Variants in DAB1 observed in about 807,000 individuals in gnomAD.
DAB1 encodes disabled homolog 1.
DAB1 carries 15 observed loss-of-function variants against 64.6 expected under a neutral mutation model. That is an observed-to-expected ratio of 0.23 (90% CI 0.16 to 0.36). The LOEUF (loss-of-function observed/expected upper bound fraction) is 0.36. DAB1 is among the 10% of genes least tolerant of loss of function. The probability of loss-of-function intolerance (pLI) is 1.00; values close to 1 mark genes in which losing one functional copy is unlikely to be tolerated. For synonymous variants in DAB1, 235 were observed against 251.9 expected (o/e 0.93, Z 0.64); for missense variants, 596 against 706.7 (o/e 0.84, Z 1.78).
intron 7 of DAB1, among the ~76,000 whole-genome samples, chr1:57,613,616 T>C (rs796152964): frequency 5.3e-5 from 8 of 152,250 alleles, no homozygotes; most frequent in African/African-American, 1.9e-4. Context: ...CAGGATATTT[T>C]CCCCCTCAAA....
intron 9 of DAB1, among the ~76,000 whole-genome samples, chr1:57,032,486 C>T (rs1049284334): frequency 3.3e-5 from 5 of 152,166 alleles, no homozygotes; most frequent in Non-Finnish European, 7.3e-5. Flanking sequence ...TCCCACACAT[C>T]CTTCAGGACG....
intron 4 of DAB1, chr1:58,228,975 TCCACCAG>T: frequency 2.3e-6 from 1 of 442,180 alleles, no homozygotes; most frequent in Admixed American, 2.7e-5. Flanking sequence ...CAGCACATGC[TCCACCAG>T]CCCGAAGCCC....
At chr1:57,813,604 T>C (rs1651726471) in intron 6 of DAB1, among the ~76,000 whole-genome samples, 1 of 152,170 alleles carries the variant, frequency 6.6e-6, no homozygotes, top group South Asian at 2.1e-4. Flanking sequence ...GTTTAGTTCA[T>C]AGGAGACATT....
intron 4 of DAB1, among the ~76,000 whole-genome samples, chr1:58,302,252 C>A (rs764728412): frequency 6.6e-6 from 1 of 152,044 alleles, no homozygotes; most frequent in South Asian, 2.1e-4. Context: ...TCAGTATAGT[C>A]CAAGAAAATC....
At chr1:57,258,871 G>A (rs956737601) in intron 2 of DAB1, among the ~76,000 whole-genome samples, 3 of 152,028 alleles carry the variant, frequency 2.0e-5, no homozygotes, top group African/African-American at 7.2e-5. Context: ...GGTGAGGAGG[G>A]TGAGTTCTGC....
At chr1:57,136,816 G>A (rs1658165655) in intron 3 of DAB1, among the ~76,000 whole-genome samples, 175 bp from the exon 4 acceptor site, 1 of 152,012 alleles carries the variant, frequency 6.6e-6, no homozygotes. Context: ...GTGTTTTAGG[G>A]TAATGCTTGT....
intron 5 of DAB1, chr1:58,079,949 T>C (rs1415321451): frequency 6.6e-6 from 1 of 152,216 alleles, no homozygotes; most frequent in Admixed American, 6.5e-5. Context: ...TGTTTTGAAA[T>C]GAATGAATAA....
chr1:57,282,279 T>A (rs1313548298), intron 2 of DAB1, among the ~76,000 whole-genome samples: 1 of 148,926 alleles, frequency 6.7e-6, no homozygotes, highest in Non-Finnish European at 1.5e-5. Flanking sequence ...AAGAGAGCTA[T>A]CCAAGGTGAA....
intron 5 of DAB1, among the ~76,000 whole-genome samples, chr1:58,112,181 G>A (rs187742480): frequency 5.3e-5 from 8 of 152,248 alleles, no homozygotes; most frequent in Admixed American, 5.2e-4. Flanking sequence ...TCCAACTGGA[G>A]GAGCCCCTCC....
At chr1:57,695,976 T>G (rs1364536307) in intron 6 of DAB1, among the ~76,000 whole-genome samples, 1 of 152,144 alleles carries the variant, frequency 6.6e-6, no homozygotes, top group Admixed American at 6.6e-5. Flanking sequence ...AATCCCAAAT[T>G]ATTTAACTCT....
intron 3 of DAB1, among the ~76,000 whole-genome samples, chr1:58,405,860 G>A (rs911850411): frequency 1.3e-5 from 2 of 152,120 alleles, no homozygotes; most frequent in African/African-American, 4.8e-5. Context: ...GCCTCTCTGC[G>A]AACACTCCCC....
At chr1:58,203,734 T>C (rs1269545273) in intron 4 of DAB1, among the ~76,000 whole-genome samples, 2 of 152,216 alleles carry the variant, frequency 1.3e-5, no homozygotes, top group Non-Finnish European at 2.9e-5. Flanking sequence ...TCATATAACA[T>C]TGATCAAACT....
chr1:57,042,842 A>G (rs1647963757), intron 9 of DAB1, among the ~76,000 whole-genome samples: 1 of 151,646 alleles, frequency 6.6e-6, no homozygotes, highest in Non-Finnish European at 1.5e-5. Context: ...CATACACACG[A>G]TCACACACAC....
In DAB1 at chr1:57,456,233, A is replaced by G. The variant is rs1686587264; in HGVS notation, n.626-165067T>C. Among the ~76,000 whole-genome samples, 3 of 152,256 alleles carry G rather than the reference A, an allele frequency of 2.0e-5. No homozygotes were observed. In the South Asian group the frequency reaches 6.2e-4, roughly 32 times the overall value. ...CATTTTTCTCTTTTCAAAGCTAAAC[A>G]TTCAGTTTTTTCAACAGTTTTTTAT... On this transcript the variant is annotated intron_variant and non_coding_transcript_variant, in intron 7 of 20. Transcript: ENST00000485760.
intron 2 of DAB1, among the ~76,000 whole-genome samples, chr1:57,273,772 A>G (rs1243921260): frequency 6.6e-6 from 1 of 151,258 alleles, no homozygotes; most frequent in Non-Finnish European, 1.5e-5. Flanking sequence ...CTCACCTCCT[A>G]TGTTTGACTG....
At chr1:58,542,764 C>G (rs930609380) in intron 1 of DAB1, among the ~76,000 whole-genome samples, 2 of 152,174 alleles carry the variant, frequency 1.3e-5, no homozygotes, top group Admixed American at 1.3e-4. Flanking sequence ...TCCAAATGTG[C>G]ATCTTACAGC....
intron 6 of DAB1, among the ~76,000 whole-genome samples, chr1:57,780,439 T>G (rs80009173): frequency 0.016 from 2,387 of 152,272 alleles, 34 homozygotes; most frequent in Non-Finnish European, 0.023. Flanking sequence ...TGGGAATTCT[T>G]CATGAGGCTT....
At chr1:58,103,943 A>G (rs1651480936) in intron 5 of DAB1, among the ~76,000 whole-genome samples, 1 of 152,086 alleles carries the variant, frequency 6.6e-6, no homozygotes. Context: ...CCTCCCACTC[A>G]AGGGCAACAA....
chr1:57,086,104 A>G (rs1211028839), intron 4 of DAB1, among the ~76,000 whole-genome samples: 2 of 152,082 alleles, frequency 1.3e-5, no homozygotes, highest in African/African-American at 4.8e-5. Context: ...GGGTCAGGGG[A>G]TGCAGAATTT....
Sources: allele counts gnomAD v4.1 joint callset (sites outside exome capture counted in the v4.1 genomes callset), GRCh38; gene constraint gnomAD v4.1.1; transcripts MANE v1.5; gene names NCBI Gene and HGNC (gene_info 2026-07-23, HGNC 2026-07-21).